SPG11: variants seen among roughly 807,000 people sequenced by gnomAD.
SPG11 encodes spatacsin.
SPG11 carries 222 observed loss-of-function variants against 274.0 expected under a neutral mutation model. That is an observed-to-expected ratio of 0.81 (90% confidence interval 0.73 to 0.91). The LOEUF is 0.91. SPG11 is among the 40% of genes least tolerant of loss of function. The pLI is 0.00. For synonymous variants in SPG11, 1,144 were observed against 1,039.7 expected, an observed-to-expected ratio of 1.10 and a Z score of -1.93; for missense variants, 3,114 against 2,872.7, an observed-to-expected ratio of 1.08 and a Z score of -1.92.
chr15:44,567,303 A>C, intron 36 of SPG11, 121 bp downstream of exon 36: 1 of 1,061,102 alleles, frequency 9.4e-7, no homozygotes, highest in Non-Finnish European at 1.4e-6. Context: ...GGGAGCTGAG[A>C]TCGTGCCACT....
Position 44,600,651 on chromosome 15 carries a change from A to T in SPG11, c.3521-19T>A, listed in dbSNP as rs775012942. Reference sequence around the variant, plus strand: ...CATGCATCTAGGGGGAAAGTAAAACAATATTAATTATCTGTATATCACCAT... The same window carrying T: ...CATGCATCTAGGGGGAAAGTAAAACTATATTAATTATCTGTATATCACCAT... On this transcript the variant is annotated intron_variant, in intron 20 of 39. Transcript: ENST00000261866. 1 of 1,610,948 alleles carries T rather than the reference A, an allele frequency of 6.2e-7. No individual in the cohort carries two copies. The highest frequency in any genetic ancestry group is 1.7e-5 in the Admixed American group (1 of 60,006).
intron 7 of SPG11, among the ~76,000 whole-genome samples, chr15:44,642,006 C>A (rs1351298989): frequency 6.9e-6 from 1 of 144,764 alleles, no homozygotes; most frequent in African/African-American, 2.6e-5. Flanking sequence ...AGAGGTGAAA[C>A]TGAATGAACT....
rs1350552448 is a variant in SPG11 at position 44,648,929 on chromosome 15, A to G, written c.1539T>C (p.Thr513=). Residue 513 remains threonine (T), a synonymous_variant, in exon 7 of 40, where the codon ACT becomes ACC. Transcript: ENST00000261866. ...CATTGAGATGACAAAGAGTGTCCACAGTGCTGGCACTTCCATGGATCATGA... is the reference window on the plus strand; with the variant it reads ...CATTGAGATGACAAAGAGTGTCCACGGTGCTGGCACTTCCATGGATCATGA... ...NRLMIHGSAS[T]VDTLCHLNGW... is the part of the protein sequence containing the mutation. 3 of 1,614,056 alleles carry G rather than the reference A, an allele frequency of 1.9e-6. No individual in the cohort carries two copies. Among genetic ancestry groups the G allele is most frequent in the South Asian group, 2.2e-5 (2 of 91,092 alleles).
chr15:44,647,473 C>A (rs919113768), intron 7 of SPG11, among the ~76,000 whole-genome samples: 3 of 152,168 alleles, frequency 2.0e-5, no homozygotes, highest in African/African-American at 7.2e-5. Context: ...CAAATGTCCA[C>A]AGCAGGATTA....
chr15:44,656,162 A>C (rs2084935215), intron 4 of SPG11, among the ~76,000 whole-genome samples: 1 of 152,172 alleles, frequency 6.6e-6, no homozygotes, highest in Non-Finnish European at 1.5e-5. Flanking sequence ...AAAACAGAGA[A>C]GGTTTAAAAA....
chr15:44,581,544 T>C (rs902640018), intron 30 of SPG11, among the ~76,000 whole-genome samples: 5 of 151,458 alleles, frequency 3.3e-5, no homozygotes, highest in Non-Finnish European at 5.9e-5. Flanking sequence ...CAAAACATCC[T>C]TTAGGAATGA....
intron 36 of SPG11, among the ~76,000 whole-genome samples, chr15:44,567,001 C>T (rs1473239312): frequency 6.6e-6 from 1 of 151,902 alleles, no homozygotes; most frequent in Non-Finnish European, 1.5e-5. Context: ...CTGTGCCGGG[C>T]CACCTACCTC....
chr15:44,606,892 T>A (rs1365921966), intron 19 of SPG11, among the ~76,000 whole-genome samples: 3 of 152,194 alleles, frequency 2.0e-5, no homozygotes, highest in Admixed American at 1.3e-4. Context: ...CAAACTACTT[T>A]ACGTAGTGAA....
intron 27 of SPG11, among the ~76,000 whole-genome samples, chr15:44,591,563 G>C (rs758557775): frequency 6.6e-6 from 1 of 152,314 alleles, no homozygotes; most frequent in South Asian, 2.1e-4. Context: ...TGGCCATAGG[G>C]AGTAATAGGC....
At chr15:44,569,568 C>A (rs768913811) in intron 34 of SPG11, 63 bp from the exon 35 acceptor site, 5 of 1,247,910 alleles carry the variant, frequency 4.0e-6, no homozygotes, top group East Asian at 5.0e-5. Context: ...CTGAGCCAGA[C>A]AACTACCATC....
At position 44,573,710 on chromosome 15, in the gene SPG11, C is replaced by T; in HGVS notation, c.6042G>A (p.Gln2014=). The T allele has an allele frequency of 1.2e-6, 2 of 1,614,206 alleles. No individual in the cohort carries two copies. The highest frequency in any genetic ancestry group is 1.7e-6 in the Non-Finnish European group (2 of 1,180,048). The stretch of plus-strand genomic sequence containing the variant: ...TTTTCCGGAGCATGGCTTCACCATC[C>T]TGAGCAGCAACATCTGTGTAGGAAC... ...LGCSYTDVAA[Q]DGEAMLRKIL... Residue 2014 remains glutamine (Q), a synonymous_variant, in exon 32 of 40, where the codon CAG becomes CAA. Transcript: ENST00000261866.
rs998708572 is a variant in SPG11, at chr15:44,659,260, G to A, written c.486C>T (p.Asn162=). 1.9e-6 allele frequency: 3 copies of A among 1,613,956 alleles called. No individual in the cohort carries two copies. The highest frequency in any genetic ancestry group is 2.5e-6 in the Non-Finnish European group (3 of 1,179,914). The change falls in exon 3 of 40, where the codon AAC becomes AAT. Residue 162 remains asparagine, a synonymous_variant. Transcript: ENST00000261866. ...LSLRILSFHN[N]TSLLFINKCV... is the part of the protein sequence containing the mutation. ...ATTTGTTGATGAACAGTAATGATGTGTTATTGTGAAATGACAGGATTCTCA... is the reference window on the plus strand; with the variant it reads ...ATTTGTTGATGAACAGTAATGATGTATTATTGTGAAATGACAGGATTCTCA...
intron 16 of SPG11, among the ~76,000 whole-genome samples, chr15:44,614,670 T>C (rs1371521614): frequency 6.6e-6 from 1 of 152,244 alleles, no homozygotes; most frequent in Non-Finnish European, 1.5e-5. Flanking sequence ...ACTTAGTCTC[T>C]CTCAAAGCCT....
intron 32 of SPG11, 158 bp downstream of exon 32, chr15:44,573,389 G>A (rs1258092410): frequency 4.1e-6 from 3 of 739,782 alleles, no homozygotes; most frequent in Admixed American, 2.1e-5. Context: ...AAAAAATAAA[G>A]CATGTATTTT....
At chr15:44,563,355 G>C in intron 39 of SPG11, 54 bp from the exon 40 acceptor site, 1 of 1,524,912 alleles carries the variant, frequency 6.6e-7, no homozygotes, top group Non-Finnish European at 9.0e-7. Flanking sequence ...GTTTTGTTTT[G>C]TTTGAGACAG....
chr15:44,659,921 C>T (rs1043339799), intron 2 of SPG11, among the ~76,000 whole-genome samples: 2 of 152,228 alleles, frequency 1.3e-5, no homozygotes, highest in South Asian at 2.1e-4. Flanking sequence ...GTTAGCTGGG[C>T]GTGGCGGCGG....
chr15:44,595,790 G>A (rs908994194), intron 25 of SPG11, among the ~76,000 whole-genome samples: 1 of 152,158 alleles, frequency 6.6e-6, no homozygotes, highest in Non-Finnish European at 1.5e-5. Context: ...CTGCTAAAGA[G>A]GGCACTAAAG....
intron 4 of SPG11, among the ~76,000 whole-genome samples, chr15:44,655,311 T>A (rs1336802703): frequency 6.6e-6 from 1 of 152,206 alleles, no homozygotes; most frequent in African/African-American, 2.4e-5. Context: ...GTGGTTCTCA[T>A]GTATTTTTCA....
At chr15:44,611,659 C>A (rs1428835651) in intron 17 of SPG11, among the ~76,000 whole-genome samples, 1 of 151,744 alleles carries the variant, frequency 6.6e-6, no homozygotes, top group Non-Finnish European at 1.5e-5. Flanking sequence ...GAAATAAGGA[C>A]AGTTTTATAT....
Sources: allele counts gnomAD v4.1 joint callset (sites outside exome capture counted in the v4.1 genomes callset), GRCh38; gene constraint gnomAD v4.1.1; transcripts MANE v1.5; gene names NCBI Gene and HGNC (gene_info 2026-07-23, HGNC 2026-07-21).